GPC5: variants seen among roughly 807,000 people sequenced by gnomAD.
The protein encoded by GPC5 is glypican-5.
A neutral mutation model predicts 53.9 loss-of-function variants in GPC5; 47 were observed. That is an observed-to-expected ratio of 0.87 (90% confidence interval 0.69 to 1.11). The LOEUF is 1.11. Ranked by LOEUF, GPC5 falls within the 50% of genes most tolerant of loss-of-function variation. The pLI, the probability that GPC5 is intolerant of heterozygous loss-of-function variation, is 0.00. For missense variants in GPC5, 748 were observed against 713.1 expected (o/e 1.05, Z -0.56); for synonymous variants, 286 against 263.3 (o/e 1.09, Z -0.84).
At chr13:92,238,237 C>T (rs939584080) in intron 7 of GPC5, among the ~76,000 whole-genome samples, 1 of 151,740 alleles carries the variant, frequency 6.6e-6, no homozygotes, top group Non-Finnish European at 1.5e-5. Context: ...AGAGGTTTAA[C>T]CTTTTGAGAG....
chr13:92,243,192 A>C (rs973237202), intron 7 of GPC5, among the ~76,000 whole-genome samples: 6 of 152,190 alleles, frequency 3.9e-5, no homozygotes, highest in Admixed American at 1.3e-4. Flanking sequence ...AACTCAAAAC[A>C]TTTCTCACAG....
At chr13:91,701,458 A>T (rs2035989917) in intron 3 of GPC5, among the ~76,000 whole-genome samples, 1 of 152,046 alleles carries the variant, frequency 6.6e-6, no homozygotes, top group African/African-American at 2.4e-5. Context: ...TCTCTGCCTG[A>T]CTTATTTCAC....
intron 7 of GPC5, among the ~76,000 whole-genome samples, chr13:92,655,485 C>T (rs547150609): frequency 2.6e-4 from 40 of 152,198 alleles, no homozygotes; most frequent in African/African-American, 9.6e-4. Flanking sequence ...CAGGCATGTG[C>T]CACCATGCCC....
At chr13:92,620,315 T>C (rs1463827815) in intron 7 of GPC5, among the ~76,000 whole-genome samples, 1 of 152,044 alleles carries the variant, frequency 6.6e-6, no homozygotes, top group Non-Finnish European at 1.5e-5. Flanking sequence ...ATTTAGAGGA[T>C]CAATCCAGGT....
intron 7 of GPC5, among the ~76,000 whole-genome samples, chr13:92,161,368 A>G (rs1293384018): frequency 6.6e-6 from 1 of 152,172 alleles, no homozygotes; most frequent in African/African-American, 2.4e-5. Flanking sequence ...AACATGAGGC[A>G]TTTAATGAAT....
intron 7 of GPC5, among the ~76,000 whole-genome samples, chr13:92,381,588 G>A (rs9523651): frequency 0.36 from 54,205 of 151,628 alleles, 10,782 homozygotes; most frequent in East Asian, 0.54. Flanking sequence ...GGGAAACAAC[G>A]TGGAGATTCC....
At chr13:92,523,174 T>C (rs764829890) in intron 7 of GPC5, among the ~76,000 whole-genome samples, 12 of 152,176 alleles carry the variant, frequency 7.9e-5, no homozygotes, top group Non-Finnish European at 8.8e-5. Flanking sequence ...AGAATTTTTA[T>C]GAAAATCTCT....
intron 7 of GPC5, among the ~76,000 whole-genome samples, chr13:92,207,377 C>T (rs1462515044): frequency 1.3e-5 from 2 of 152,198 alleles, no homozygotes; most frequent in Non-Finnish European, 2.9e-5. Context: ...AGGAATCATT[C>T]ATGCTTCCTG....
At chr13:92,171,413 TCTC>T (rs2042069897) in intron 7 of GPC5, among the ~76,000 whole-genome samples, 1 of 152,104 alleles carries the variant, frequency 6.6e-6, no homozygotes, top group Non-Finnish European at 1.5e-5. Context: ...AAATGTATAA[TCTC>T]CTCCACTGAC....
intron 7 of GPC5, among the ~76,000 whole-genome samples, chr13:92,478,472 G>A (rs1368828002): frequency 2.6e-5 from 4 of 152,172 alleles, no homozygotes; most frequent in Admixed American, 2.6e-4. Context: ...TTTAAAGAGA[G>A]CCTGCCATCA....
At chr13:92,387,329 T>C (rs1874779719) in intron 7 of GPC5, among the ~76,000 whole-genome samples, 1 of 152,166 alleles carries the variant, frequency 6.6e-6, no homozygotes, top group African/African-American at 2.4e-5. Context: ...TACCATATTC[T>C]AGGCTAAACT....
chr13:91,691,696 TTATTTATTTG>T (rs1463704661), intron 2 of GPC5, among the ~76,000 whole-genome samples: 1 of 152,170 alleles, frequency 6.6e-6, no homozygotes, highest in East Asian at 1.9e-4. Flanking sequence ...TATTGCGTTG[TTATTTATTTG>T]TACTTGGACT....
intron 7 of GPC5, among the ~76,000 whole-genome samples, chr13:92,286,435 T>A (rs8000742): frequency 0.021 from 3,172 of 152,160 alleles, 116 homozygotes; most frequent in African/African-American, 0.073. Flanking sequence ...CACATGCCCA[T>A]GTATGTTTAT....
intron 7 of GPC5, among the ~76,000 whole-genome samples, chr13:92,858,105 G>T (rs1460855018): frequency 6.6e-6 from 1 of 152,126 alleles, no homozygotes; most frequent in Non-Finnish European, 1.5e-5. Context: ...ATAAAATGTG[G>T]TATGTAGACA....
At chr13:92,147,748 C>T (rs2041878668) in intron 7 of GPC5, among the ~76,000 whole-genome samples, 1 of 151,978 alleles carries the variant, frequency 6.6e-6, no homozygotes, top group African/African-American at 2.4e-5. Flanking sequence ...AAGTGGGTTG[C>T]CTCTTATGTT....
chr13:92,240,064 G>A (rs2042600342), intron 7 of GPC5: 1 of 151,790 alleles, frequency 6.6e-6, no homozygotes, highest in African/African-American at 2.4e-5. Flanking sequence ...AAAATGAAAG[G>A]GCACCTCCTT....
intron 7 of GPC5, among the ~76,000 whole-genome samples, chr13:92,551,024 G>A (rs1280594180): frequency 1.3e-5 from 2 of 151,882 alleles, no homozygotes; most frequent in Non-Finnish European, 1.5e-5. Context: ...AGCATGTTGA[G>A]CACAGAAGAT....
intron 6 of GPC5, among the ~76,000 whole-genome samples, chr13:92,113,411 A>T (rs2041574025): frequency 6.6e-6 from 1 of 152,156 alleles, no homozygotes; most frequent in Non-Finnish European, 1.5e-5. Context: ...GGATATCTTT[A>T]TAAACAGCAC....
At chr13:91,422,277 A>G (rs1878692184) in intron 1 of GPC5, among the ~76,000 whole-genome samples, 1 of 152,198 alleles carries the variant, frequency 6.6e-6, no homozygotes, top group Non-Finnish European at 1.5e-5. Flanking sequence ...TTACTCTTAA[A>G]TATATCGCCA....
Sources: allele counts gnomAD v4.1 joint callset (sites outside exome capture counted in the v4.1 genomes callset), GRCh38; gene constraint gnomAD v4.1.1; transcripts MANE v1.5; gene names NCBI Gene and HGNC (gene_info 2026-07-23, HGNC 2026-07-21).